Variants in NEXMIF observed in about 807,000 individuals in gnomAD.
The protein encoded by NEXMIF is neurite extension and migration factor.
In NEXMIF, 8 loss-of-function variants were observed where a neutral mutation model predicts 62.1. The ratio of observed to expected loss-of-function variants is 0.13; its 90% CI spans 0.08 to 0.23. NEXMIF has a LOEUF of 0.23. Ranked by LOEUF, NEXMIF falls within the 10% of genes least tolerant of loss-of-function variation. The pLI is 1.00. For missense variants in NEXMIF, 976 were observed against 1,113.3 expected (o/e 0.88, Z 1.75); for synonymous variants, 404 against 416.6 (o/e 0.97, Z 0.37).
chrX:74,777,967 C>T (rs964515471), intron 1 of NEXMIF, among the ~76,000 whole-genome samples: 3 of 111,623 alleles, frequency 2.7e-5, no homozygotes, highest in Non-Finnish European at 5.6e-5. Context: ...CCTCCACTCT[C>T]TATCCCAAGC....
intron 1 of NEXMIF, among the ~76,000 whole-genome samples, chrX:74,764,102 GT>G (rs1299648835): frequency 1.8e-5 from 2 of 111,461 alleles, no homozygotes; most frequent in Non-Finnish European, 3.8e-5. Context: ...TTGGCTGTGG[GT>G]TTGTCATAGA....
chrX:74,743,620 G>T lies in NEXMIF; in HGVS notation c.937C>A (p.Arg313=). ...ACATTGTCCTGAAAGGATTCATATCGAATTTTCAGGGAGCAGACATCACTG... is the reference window on the plus strand; with the variant it reads ...ACATTGTCCTGAAAGGATTCATATCTAATTTTCAGGGAGCAGACATCACTG... ...LGSDVCSLKI[R]YESFQDNVRD... The change falls in exon 3 of 4, where the codon CGA becomes AGA. Residue 313 remains arginine, a synonymous_variant. Transcript: ENST00000055682. 8.3e-7 allele frequency: 1 copy of T among 1,211,416 alleles called. No individual in the cohort carries two copies. Among genetic ancestry groups the T allele is most frequent in the Non-Finnish European group, 1.1e-6 (1 of 895,282 alleles).
At chrX:74,919,463 T>G in intron 1 of NEXMIF, among the ~76,000 whole-genome samples, 1 of 111,209 alleles carries the variant, frequency 9.0e-6, no homozygotes, top group East Asian at 2.8e-4. Flanking sequence ...TATACTAAGG[T>G]GATCACAAAA....
chrX:74,887,526 G>T (rs1374384480), intron 1 of NEXMIF, among the ~76,000 whole-genome samples: 1 of 112,283 alleles, frequency 8.9e-6, no homozygotes, highest in Admixed American at 9.4e-5. Flanking sequence ...CATTTATTCA[G>T]CCAAAAAACA....
intron 1 of NEXMIF, among the ~76,000 whole-genome samples, chrX:74,776,714 C>G (rs1219636878): frequency 3.1e-5 from 2 of 64,276 alleles, no homozygotes; most frequent in Non-Finnish European, 5.6e-5. Context: ...GCAACAAGAG[C>G]GAAACTCAGT....
rs200129547 is a variant in NEXMIF at position 74,741,392 on chromosome X, T to G, written c.3165A>C (p.Ile1055=). 167 of 1,208,888 alleles carry G rather than the reference T, an allele frequency of 1.4e-4. No individual in the cohort carries two copies. The highest frequency in any genetic ancestry group is 1.8e-4 in the Non-Finnish European group (164 of 894,867). ...PLKESTDLLD[I]SNFTPDKFRH... ...GGAATTTGTCAGGGGTGAAGTTGGA[T>G]ATATCCAGGAGGTCAGTGGACTCCT... The change falls in exon 3 of 4, where the codon ATA becomes ATC. Residue 1055 remains isoleucine (I), a synonymous_variant. Coordinates refer to ENST00000055682, the MANE Select transcript of NEXMIF (RefSeq NM_001008537.3).
intron 1 of NEXMIF, among the ~76,000 whole-genome samples, chrX:74,922,337 G>GGTGTGTGTGT (rs3040908): frequency 9.9e-6 from 1 of 100,562 alleles, no homozygotes; most frequent in Non-Finnish European, 2.0e-5. Context: ...GGGTGTTATG[G>GGTGTGTGTGT]GTGTGTGTGT....
Position 74,925,077 on chromosome X carries a change from G to C in NEXMIF, c.-242C>G, listed in dbSNP as rs1270913762. 8.5e-6 allele frequency: 1 copy of C among 118,019 alleles called. No individual in the cohort carries two copies. The highest frequency in any genetic ancestry group is 3.2e-5 in the African/African-American group (1 of 31,355). 9.7% of individuals were successfully genotyped at this position (118,019 alleles called of 1,213,427 possible). A position where few individuals can be genotyped will look rare whatever the true frequency, so the allele number is the denominator to read the frequency against. The stretch of plus-strand genomic sequence containing the variant: ...CAGCTCCATACGCTGGGCCCGCCAG[G>C]TGGACGCGCCTCTCTCCTCGCTCGC... On this transcript the variant is annotated 5_prime_UTR_variant, in exon 1 of 4. Coordinates refer to ENST00000055682, the MANE Select transcript of NEXMIF (RefSeq NM_001008537.3).
intron 1 of NEXMIF, among the ~76,000 whole-genome samples, chrX:74,829,151 T>C (rs930551200): frequency 8.9e-6 from 1 of 112,153 alleles, no homozygotes; most frequent in Non-Finnish European, 1.9e-5. Context: ...AATCACATAA[T>C]GGTAAATGGG....
chrX:74,773,506 C>T (rs1344491007), intron 1 of NEXMIF, among the ~76,000 whole-genome samples: 1 of 110,861 alleles, frequency 9.0e-6, no homozygotes, highest in Non-Finnish European at 1.9e-5. Context: ...TTTGGTGGGG[C>T]CATCAAGGTG....
intron 1 of NEXMIF, among the ~76,000 whole-genome samples, chrX:74,916,715 A>G (rs1250090236): frequency 8.9e-6 from 1 of 111,810 alleles, no homozygotes; most frequent in Non-Finnish European, 1.9e-5. Flanking sequence ...ACTCAGTTTC[A>G]GGCATTCCAT....
chrX:74,899,392 A>G (rs1363990695), intron 1 of NEXMIF, among the ~76,000 whole-genome samples: 2 of 112,080 alleles, frequency 1.8e-5, no homozygotes, highest in African/African-American at 6.5e-5. Flanking sequence ...TGCAGGACAC[A>G]AAATCAACAT....
chrX:74,882,331 G>C (rs145679624), intron 1 of NEXMIF, among the ~76,000 whole-genome samples: 1 of 112,028 alleles, frequency 8.9e-6, no homozygotes, highest in Non-Finnish European at 1.9e-5. Context: ...CCGTGCGTGA[G>C]TCGAAGGAGG....
At chrX:74,890,009 C>CCT (rs72396692) in intron 1 of NEXMIF, among the ~76,000 whole-genome samples, 79 of 95,476 alleles carry the variant, frequency 8.3e-4, no homozygotes, top group African/African-American at 1.9e-3. Context: ...TCTCTCTCTC[C>CCT]CTCTCTCTCT....
At position 74,845,819 on chromosome X, in the gene NEXMIF, G is replaced by A. The variant is rs554703086; in HGVS notation, c.-48+79064C>T. ...AATTAAAAAAAAAACTATACATGAAGCCCCCAAGCCCTAATTATAACCTCT... is the reference window on the plus strand; with the variant it reads ...AATTAAAAAAAAAACTATACATGAAACCCCCAAGCCCTAATTATAACCTCT... On this transcript the variant is annotated intron_variant, in intron 1 of 3. Transcript: ENST00000055682. Among the ~76,000 whole-genome samples the A allele has an allele frequency of 4.6e-5, 5 of 109,376 alleles. No individual in the cohort carries two copies. In the South Asian group the frequency reaches 1.6e-3, roughly 35 times the overall value. The allele number at this position is 109,376 out of a possible 115,157, so 95.0% of individuals were successfully genotyped here.
chrX:74,773,296 T>C (rs769730452), intron 1 of NEXMIF, among the ~76,000 whole-genome samples: 3 of 112,184 alleles, frequency 2.7e-5, no homozygotes, highest in African/African-American at 9.7e-5. Flanking sequence ...AACAATGGTC[T>C]TACAAGATAG....
chrX:74,907,989 G>A (rs984342503), intron 1 of NEXMIF, among the ~76,000 whole-genome samples: 5 of 110,724 alleles, frequency 4.5e-5, no homozygotes, highest in African/African-American at 9.9e-5. Context: ...TGCTTCCCTC[G>A]GCAAACATCC....
chrX:74,835,862 C>T (rs954620695), intron 1 of NEXMIF, among the ~76,000 whole-genome samples: 1 of 112,048 alleles, frequency 8.9e-6, no homozygotes, highest in African/African-American at 3.2e-5. Flanking sequence ...TGACAAGTTC[C>T]TCCATGCCAC....
intron 1 of NEXMIF, among the ~76,000 whole-genome samples, chrX:74,830,991 C>G (rs1417805314): frequency 9.0e-5 from 10 of 110,511 alleles, no homozygotes; most frequent in African/African-American, 3.3e-4. Context: ...ATTATATCAT[C>G]TGCAAACAAG....
Sources: allele counts gnomAD v4.1 joint callset (sites outside exome capture counted in the v4.1 genomes callset), GRCh38; gene constraint gnomAD v4.1.1; transcripts MANE v1.5; gene names NCBI Gene and HGNC (gene_info 2026-07-23, HGNC 2026-07-21).